The following LRP1B variants were observed in gnomAD, a reference collection of about 807,000 sequenced individuals.
LRP1B encodes LDL receptor related protein 1B.
LRP1B carries 217 observed loss-of-function variants against 556.6 expected under a neutral mutation model. The observed-to-expected ratio is 0.39, with a 90% CI of 0.35 to 0.44. The LOEUF (loss-of-function observed/expected upper bound fraction) is 0.44. LRP1B is among the 20% of genes least tolerant of loss of function. The probability of loss-of-function intolerance (pLI) is 1.00; values close to 1 mark genes in which losing one functional copy is unlikely to be tolerated. For synonymous variants in LRP1B, 2,047 were observed against 1,865.8 expected, an observed-to-expected ratio of 1.10 and a Z score of -2.50; for missense variants, 5,053 against 5,620.8, an observed-to-expected ratio of 0.90 and a Z score of 3.23.
chr2:141,083,995 G>A (rs979893229), intron 7 of LRP1B, among the ~76,000 whole-genome samples: 1 of 152,178 alleles, frequency 6.6e-6, no homozygotes, highest in Non-Finnish European at 1.5e-5. Flanking sequence ...CTGGGAATAA[G>A]TTACTTAACC....
Position 141,486,195 on chromosome 2 carries a change from G to T in LRP1B, c.206-5662C>A, listed in dbSNP as rs1423528679. Among the ~76,000 whole-genome samples, 4 of 152,130 alleles carry T rather than the reference G, an allele frequency of 2.6e-5. No homozygotes were observed. In the South Asian group the frequency reaches 8.3e-4, roughly 32 times the overall value. ...TTAAAAAGAAAAACTCCATCATTGGGTGACCCAAATTATATCAACATATGA... is the reference window on the plus strand; with the variant it reads ...TTAAAAAGAAAAACTCCATCATTGGTTGACCCAAATTATATCAACATATGA... On this transcript the variant is annotated intron_variant, in intron 2 of 90. Transcript: ENST00000389484.
intron 2 of LRP1B, among the ~76,000 whole-genome samples, chr2:141,799,540 A>G (rs375178741): frequency 6.6e-6 from 1 of 152,070 alleles, no homozygotes. Context: ...GAATTCAGCC[A>G]AGACCCTAAA....
intron 18 of LRP1B, among the ~76,000 whole-genome samples, chr2:140,965,007 T>C (rs944171161): frequency 1.2e-4 from 18 of 152,182 alleles, no homozygotes; most frequent in Admixed American, 1.1e-3. Context: ...AATAGAGAGA[T>C]ATTGAAAGAA....
chr2:140,281,162 A>C (rs558323906), intron 84 of LRP1B, among the ~76,000 whole-genome samples: 4 of 152,034 alleles, frequency 2.6e-5, no homozygotes, highest in Admixed American at 1.3e-4. Context: ...AATACAAGTA[A>C]ATATATTTTC....
intron 14 of LRP1B, among the ~76,000 whole-genome samples, chr2:141,010,783 T>C (rs1206753073): frequency 6.6e-6 from 1 of 152,006 alleles, no homozygotes; most frequent in African/African-American, 2.4e-5. Context: ...GCCGAAGTGC[T>C]GGGATTACAG....
At chr2:141,613,617 G>A (rs2105325636) in intron 2 of LRP1B, among the ~76,000 whole-genome samples, 1 of 152,240 alleles carries the variant, frequency 6.6e-6, no homozygotes, top group Admixed American at 6.5e-5. Flanking sequence ...AGTCAATTCT[G>A]CTTTCCATTT....
chr2:141,308,057 G>C (rs549300994), intron 3 of LRP1B, among the ~76,000 whole-genome samples: 1 of 152,198 alleles, frequency 6.6e-6, no homozygotes, highest in Non-Finnish European at 1.5e-5. Context: ...TTCAGAAGAA[G>C]TGCTTATGTG....
chr2:140,412,738 A>G (rs149821035), intron 66 of LRP1B, among the ~76,000 whole-genome samples: 3,107 of 152,150 alleles, frequency 0.02, 38 homozygotes, highest in African/African-American at 0.028. Flanking sequence ...TTAATATTAC[A>G]TAATCAGTAA....
chr2:140,403,669 A>T (rs1394005474), intron 66 of LRP1B, among the ~76,000 whole-genome samples: 1 of 152,172 alleles, frequency 6.6e-6, no homozygotes, highest in Non-Finnish European at 1.5e-5. Flanking sequence ...TGTTTCTGAG[A>T]GAAAAGAGAA....
At chr2:142,130,130 C>T (rs1470904203) in intron 1 of LRP1B, among the ~76,000 whole-genome samples, 3 of 152,192 alleles carry the variant, frequency 2.0e-5, no homozygotes, top group Admixed American at 6.5e-5. Context: ...TGACCCCAGT[C>T]TGCCCCCAGG....
chr2:141,046,426 C>A (rs1698871707), intron 11 of LRP1B, among the ~76,000 whole-genome samples: 1 of 152,062 alleles, frequency 6.6e-6, no homozygotes, highest in South Asian at 2.1e-4. Context: ...ACGTTAATCT[C>A]ATATTGTAAT....
At chr2:141,635,968 C>A (rs1689096431) in intron 2 of LRP1B, among the ~76,000 whole-genome samples, 1 of 152,102 alleles carries the variant, frequency 6.6e-6, no homozygotes, top group Admixed American at 6.6e-5. Flanking sequence ...CACTCCTGGC[C>A]TTGAGCCTTG....
At chr2:140,390,835 C>T (rs916491469) in intron 66 of LRP1B, among the ~76,000 whole-genome samples, 1 of 151,212 alleles carries the variant, frequency 6.6e-6, no homozygotes, top group Non-Finnish European at 1.5e-5. Context: ...TTAAGGTTCT[C>T]AAAATCATTA....
intron 66 of LRP1B, among the ~76,000 whole-genome samples, chr2:140,416,895 G>A (rs992354682): frequency 1.3e-5 from 2 of 152,124 alleles, no homozygotes; most frequent in Non-Finnish European, 2.9e-5. Context: ...AAACCCACAA[G>A]CTAAAATTGA....
At chr2:141,516,403 C>G (rs1459499091) in intron 2 of LRP1B, among the ~76,000 whole-genome samples, 1 of 152,142 alleles carries the variant, frequency 6.6e-6, no homozygotes, top group African/African-American at 2.4e-5. Context: ...AAATACTAAT[C>G]ATAATGTTAG....
chr2:142,076,859 G>A (rs903364559), intron 1 of LRP1B, among the ~76,000 whole-genome samples: 19 of 151,904 alleles, frequency 1.3e-4, no homozygotes, highest in Non-Finnish European at 1.6e-4. Context: ...ATTTATGATT[G>A]GAATTTTCCT....
intron 32 of LRP1B, among the ~76,000 whole-genome samples, chr2:140,796,370 T>C (rs1690314013): frequency 1.3e-5 from 2 of 152,090 alleles, no homozygotes; most frequent in South Asian, 2.1e-4. Context: ...TGCTAAGTAA[T>C]TAGCATTAAG....
chr2:140,816,879 T>C (rs532815560), intron 31 of LRP1B, among the ~76,000 whole-genome samples: 1 of 152,286 alleles, frequency 6.6e-6, no homozygotes, highest in African/African-American at 2.4e-5. Flanking sequence ...ATTTTGTTAT[T>C]ATCATTCACT....
At chr2:140,559,474 G>T (rs1027147252) in intron 43 of LRP1B, among the ~76,000 whole-genome samples, 4 of 151,998 alleles carry the variant, frequency 2.6e-5, no homozygotes, top group African/African-American at 9.7e-5. Flanking sequence ...GGAAAAAATA[G>T]AAATTAAAAT....
Sources: allele counts gnomAD v4.1 joint callset (sites outside exome capture counted in the v4.1 genomes callset), GRCh38; gene constraint gnomAD v4.1.1; transcripts MANE v1.5; gene names NCBI Gene and HGNC (gene_info 2026-07-23, HGNC 2026-07-21).